Variants in PDE4D observed in about 807,000 individuals in gnomAD.
The protein encoded by PDE4D is phosphodiesterase 4D.
Under a neutral mutation model 87.4 loss-of-function variants are expected in PDE4D, and 24 were observed. The ratio of observed to expected loss-of-function variants is 0.27; its 90% confidence interval spans 0.20 to 0.39. The LOEUF is 0.39. PDE4D is among the 10% of genes least tolerant of loss of function. PDE4D has a pLI of 1.00. For synonymous variants in PDE4D, 384 were observed against 383.2 expected, an observed-to-expected ratio of 1.00 and a Z score of -0.02; for missense variants, 714 against 1,041.0, an observed-to-expected ratio of 0.69 and a Z score of 4.32.
chr5:60,294,125 T>C (rs896909551), intron 1 of PDE4D, among the ~76,000 whole-genome samples: 1 of 152,204 alleles, frequency 6.6e-6, no homozygotes, highest in African/African-American at 2.4e-5. Context: ...TTGTCCTTTC[T>C]AGTGGATGTG....
At chr5:59,993,375 G>A (rs1446884941) in intron 2 of PDE4D, among the ~76,000 whole-genome samples, 1 of 152,204 alleles carries the variant, frequency 6.6e-6, no homozygotes, top group Non-Finnish European at 1.5e-5. Context: ...ATAACTGGAT[G>A]TAATCTAATT....
Position 59,667,297 on chromosome 5 carries a change from C to T in PDE4D, c.455+225871G>A, listed in dbSNP as rs973287058. On this transcript the variant is annotated intron_variant, in intron 1 of 14. Transcript: ENST00000340635. ...TGTTGTGTTGTGTTTTGCTGTGTTG[C>T]GTTGCATTGCATTGCATTGCATTAC... 4.6e-5 allele frequency among the ~76,000 whole-genome samples: 7 copies of T among 152,038 alleles called. No homozygotes were observed. The South Asian group carries it at 6.2e-4, about 14-fold the overall frequency.
At chr5:60,386,190 C>T (rs1032460345) in intron 1 of PDE4D, among the ~76,000 whole-genome samples, 4 of 152,016 alleles carry the variant, frequency 2.6e-5, no homozygotes, top group Non-Finnish European at 5.9e-5. Context: ...TAGTAATTTT[C>T]CCTTTAGTAC....
At chr5:60,179,227 G>T (rs1784179567) in intron 2 of PDE4D, among the ~76,000 whole-genome samples, 1 of 152,112 alleles carries the variant, frequency 6.6e-6, no homozygotes, top group African/African-American at 2.4e-5. Context: ...CAGGGTCAGG[G>T]TCTCTCTAAC....
intron 1 of PDE4D, among the ~76,000 whole-genome samples, chr5:60,346,169 A>G (rs1644178517): frequency 6.6e-6 from 1 of 152,146 alleles, no homozygotes; most frequent in South Asian, 2.1e-4. Context: ...GAACTTTTCC[A>G]CTTTCACAAG....
Position 58,975,055 on chromosome 5 carries a change from T to G in PDE4D, c.2039A>C (p.His680Pro). Residue 680 changes from histidine to proline, a missense_variant, in exon 15 of 15, where the codon CAT (histidine) becomes CCT (proline). His to Pro is a moderately conservative substitution (Grantham distance 77). This residue lies in a region of PDE4D where 97 missense variants were observed against 176.9 expected (regional missense o/e 0.55). Transcript: ENST00000340635. The surrounding 1 kb of genome is among the most constrained non-coding windows in gnomAD (Gnocchi z 4.2). ...SQVGFIDYIV[H>P]PLWETWADLV... ...GTCTGCCCATGTCTCCCAGAGGGGA[T>G]GAACAATATAGTCTATGAAGCCCAC... 1 of 1,562,822 alleles carries G rather than the reference T, an allele frequency of 6.4e-7. No individual in the cohort carries two copies.
intron 1 of PDE4D, among the ~76,000 whole-genome samples, chr5:60,385,829 G>A (rs1762155659): frequency 6.6e-6 from 1 of 152,020 alleles, no homozygotes. Context: ...AACTTTTTAG[G>A]AAGATACAGC....
chr5:59,368,142 G>A (rs779880969), intron 1 of PDE4D, among the ~76,000 whole-genome samples: 3 of 152,194 alleles, frequency 2.0e-5, no homozygotes, highest in Admixed American at 1.3e-4. Flanking sequence ...CTTGACATCC[G>A]AATTCTCTAT....
At position 59,332,155 on chromosome 5, in the gene PDE4D, C is replaced by T. The variant is rs60137077; in HGVS notation, c.456-116187G>A. Among the ~76,000 whole-genome samples, 1,023 of 152,226 alleles carry T rather than the reference C, an allele frequency of 6.7e-3. 70 individuals carry two copies. The East Asian group carries it at 0.15, about 23-fold the overall frequency. ...GGCAATATGATGAAAATATTTCAAA[C>T]AATTATTATTTATTCTTGTTTTTAT... On this transcript the variant is annotated intron_variant, in intron 1 of 14. Coordinates refer to ENST00000340635, the MANE Select transcript of PDE4D (RefSeq NM_001104631.2).
At chr5:59,413,195 C>A (rs1393174771) in intron 1 of PDE4D, among the ~76,000 whole-genome samples, 1 of 151,894 alleles carries the variant, frequency 6.6e-6, no homozygotes, top group Non-Finnish European at 1.5e-5. Flanking sequence ...CGGTGGCTCA[C>A]GCCTGTAATC....
chr5:59,663,972 C>T (rs1461338778), intron 1 of PDE4D, among the ~76,000 whole-genome samples: 1 of 152,136 alleles, frequency 6.6e-6, no homozygotes, highest in Non-Finnish European at 1.5e-5. Flanking sequence ...GAATGTAGAA[C>T]TTTGTTTTAA....
chr5:59,083,814 T>C (rs1162931599), intron 5 of PDE4D, among the ~76,000 whole-genome samples: 1 of 152,140 alleles, frequency 6.6e-6, no homozygotes, highest in Non-Finnish European at 1.5e-5. Flanking sequence ...TTGTTTGGTT[T>C]GGTTTTTTGT....
intron 1 of PDE4D, among the ~76,000 whole-genome samples, chr5:59,542,358 T>C (rs919059539): frequency 2.6e-5 from 4 of 152,074 alleles, no homozygotes; most frequent in Non-Finnish European, 5.9e-5. Flanking sequence ...AGTACAGACA[T>C]TGGGATGGAG....
chr5:60,505,774 G>T (rs1023717368), intron 1 of PDE4D, among the ~76,000 whole-genome samples: 6 of 152,116 alleles, frequency 3.9e-5, no homozygotes, highest in Non-Finnish European at 8.8e-5. Flanking sequence ...TCAGTTAGAG[G>T]GTCTCCTGAT....
At chr5:59,782,141 G>C (rs920665776) in intron 1 of PDE4D, among the ~76,000 whole-genome samples, 1 of 152,152 alleles carries the variant, frequency 6.6e-6, no homozygotes, top group African/African-American at 2.4e-5. Flanking sequence ...TTTAAAAATA[G>C]GTTCCTGTGA....
chr5:59,878,916 T>G (rs1034905158), intron 1 of PDE4D, among the ~76,000 whole-genome samples: 43 of 97,656 alleles, frequency 4.4e-4, no homozygotes, highest in African/African-American at 1.4e-3. Flanking sequence ...TTTTTTTTTT[T>G]GAGACAGAGT....
chr5:60,255,016 A>G (rs1748890069), intron 1 of PDE4D, among the ~76,000 whole-genome samples: 2 of 151,928 alleles, frequency 1.3e-5, no homozygotes, highest in Non-Finnish European at 2.9e-5. Context: ...CTTCATAAAG[A>G]AGAATACTGC....
At chr5:59,170,516 C>A (rs1350569482) in intron 5 of PDE4D, among the ~76,000 whole-genome samples, 1 of 152,114 alleles carries the variant, frequency 6.6e-6, no homozygotes, top group Non-Finnish European at 1.5e-5. Context: ...GGCAAACTAA[C>A]AACTGGGACC....
At chr5:60,220,647 T>C (rs985368922) in intron 1 of PDE4D, among the ~76,000 whole-genome samples, 2 of 152,168 alleles carry the variant, frequency 1.3e-5, no homozygotes, top group Non-Finnish European at 2.9e-5. Flanking sequence ...AATGACTTTG[T>C]TTGCCATGCC....
Sources: allele counts gnomAD v4.1 joint callset (sites outside exome capture counted in the v4.1 genomes callset), GRCh38; gene constraint gnomAD v4.1.1; regional missense constraint gnomAD v4.1.1; non-coding constraint Gnocchi (gnomAD v3.1); transcripts MANE v1.5; gene names NCBI Gene and HGNC (gene_info 2026-07-23, HGNC 2026-07-21).